The following KDM4C variants were observed in gnomAD, a reference collection of about 807,000 sequenced individuals.
KDM4C encodes lysine demethylase 4C.
Under a neutral mutation model 129.3 loss-of-function variants are expected in KDM4C, and 81 were observed. The ratio of observed to expected loss-of-function variants is 0.63; its 90% confidence interval spans 0.52 to 0.75. The LOEUF (loss-of-function observed/expected upper bound fraction) is 0.75. KDM4C is among the 30% of genes least tolerant of loss of function. The pLI is 0.00. For missense variants in KDM4C, 1,457 were observed against 1,304.0 expected (o/e 1.12, Z -1.81); for synonymous variants, 573 against 456.1 (o/e 1.26, Z -3.26).
intron 12 of KDM4C, among the ~76,000 whole-genome samples, chr9:7,011,144 C>T (rs1435901302): frequency 6.6e-6 from 1 of 152,086 alleles, no homozygotes; most frequent in Admixed American, 6.6e-5. Context: ...TCTTTTATAT[C>T]CATGTAATGC....
chr9:6,721,060 TA>T, intron 1 of KDM4C: 2 of 1,375,546 alleles, frequency 1.5e-6, no homozygotes, highest in Non-Finnish European at 2.0e-6. Context: ...CTGTCACACT[TA>T]AAGCAATGTT....
chr9:6,788,788 G>A (rs572191600), intron 1 of KDM4C, among the ~76,000 whole-genome samples: 3 of 152,194 alleles, frequency 2.0e-5, no homozygotes, highest in South Asian at 2.1e-4. Context: ...GAACGCAGAG[G>A]GGGAGTTGGG....
intron 1 of KDM4C, among the ~76,000 whole-genome samples, chr9:6,740,428 C>A (rs921017781): frequency 2.0e-5 from 3 of 152,124 alleles, no homozygotes; most frequent in Admixed American, 2.0e-4. Flanking sequence ...TGGTCTTGAT[C>A]TCCTGACCTT....
intron 18 of KDM4C, among the ~76,000 whole-genome samples, chr9:7,110,326 C>G (rs1231390625): frequency 6.6e-6 from 1 of 152,138 alleles, no homozygotes; most frequent in Non-Finnish European, 1.5e-5. Context: ...AGGACTAGAG[C>G]CACTTTAGTG....
At chr9:6,822,013 G>C (rs1373290801) in intron 4 of KDM4C, among the ~76,000 whole-genome samples, 1 of 152,154 alleles carries the variant, frequency 6.6e-6, no homozygotes, top group African/African-American at 2.4e-5. Flanking sequence ...ACCATGGACA[G>C]TAACCTATGG....
intron 8 of KDM4C, among the ~76,000 whole-genome samples, chr9:6,921,130 C>T (rs181588345): frequency 8.5e-5 from 13 of 152,152 alleles, no homozygotes; most frequent in Admixed American, 5.9e-4. Flanking sequence ...TTGATACCTT[C>T]GAGAGCTTTA....
intron 19 of KDM4C, among the ~76,000 whole-genome samples, chr9:7,164,529 A>G (rs1844161835): frequency 6.6e-6 from 1 of 152,186 alleles, no homozygotes; most frequent in South Asian, 2.1e-4. Flanking sequence ...TGCTGGCAGA[A>G]GCACATTTAT....
intron 18 of KDM4C, among the ~76,000 whole-genome samples, chr9:7,114,676 A>G (rs1393737256): frequency 2.0e-5 from 3 of 152,224 alleles, no homozygotes; most frequent in Non-Finnish European, 4.4e-5. Context: ...AAGCAGACCC[A>G]TCAGAATGCT....
chr9:7,024,252 A>G (rs1230004076), intron 15 of KDM4C, among the ~76,000 whole-genome samples: 1 of 124,612 alleles, frequency 8.0e-6, no homozygotes, highest in Non-Finnish European at 1.7e-5. Flanking sequence ...CTGTTATTGT[A>G]TTGGAGTCTA....
chr9:7,150,529 T>A (rs1842635899), intron 19 of KDM4C, among the ~76,000 whole-genome samples: 1 of 152,122 alleles, frequency 6.6e-6, no homozygotes. Flanking sequence ...CCGAGAGGGC[T>A]GGGTCTTTTT....
At chr9:6,778,147 T>C (rs1267145860) in intron 1 of KDM4C, among the ~76,000 whole-genome samples, 2 of 151,190 alleles carry the variant, frequency 1.3e-5, no homozygotes, top group African/African-American at 4.9e-5. Context: ...TGGAGTGCAG[T>C]GGCATGATCT....
At chr9:6,951,027 A>G (rs1828050742) in intron 8 of KDM4C, among the ~76,000 whole-genome samples, 1 of 152,040 alleles carries the variant, frequency 6.6e-6, no homozygotes, top group African/African-American at 2.4e-5. Flanking sequence ...ACATTTTTAA[A>G]TTTTATTTTA....
At chr9:7,004,007 C>T (rs1207058624) in intron 12 of KDM4C, among the ~76,000 whole-genome samples, 1 of 152,148 alleles carries the variant, frequency 6.6e-6, no homozygotes, top group Non-Finnish European at 1.5e-5. Flanking sequence ...ACAGATGCTG[C>T]TGTGCTTTTC....
At chr9:7,061,788 C>A (rs1435650104) in intron 17 of KDM4C, among the ~76,000 whole-genome samples, 1 of 152,072 alleles carries the variant, frequency 6.6e-6, no homozygotes, top group South Asian at 2.1e-4. Context: ...AGGTTTTTTT[C>A]TTATTTTGTG....
At chr9:6,927,125 A>G (rs1563826832) in intron 8 of KDM4C, among the ~76,000 whole-genome samples, 1 of 151,050 alleles carries the variant, frequency 6.6e-6, no homozygotes, top group Admixed American at 6.6e-5. Context: ...CTATCTATCT[A>G]TCTATCTATC....
rs376112810 is a variant in KDM4C, at chr9:6,859,333, G to A, written c.629+9633G>A. On this transcript the variant is annotated intron_variant, in intron 5 of 21. Transcript: ENST00000381309. ...TCTGCTAAAACACAAAAATTAGTTC[G>A]ACGTAGTGGCCCACGCCTGTAGTCC... Among the ~76,000 whole-genome samples, 15 of 151,902 alleles carry A rather than the reference G, an allele frequency of 9.9e-5. No individual in the cohort carries two copies. In the East Asian group the frequency reaches 1.4e-3, roughly 14 times the overall value.
intron 17 of KDM4C, among the ~76,000 whole-genome samples, chr9:7,091,735 C>A (rs924629580): frequency 6.6e-6 from 1 of 152,152 alleles, no homozygotes; most frequent in African/African-American, 2.4e-5. Flanking sequence ...ATCACACTTG[C>A]CATGAAAATG....
chr9:6,858,775 C>T (rs1366948201), intron 5 of KDM4C, among the ~76,000 whole-genome samples: 1 of 150,016 alleles, frequency 6.7e-6, no homozygotes, highest in Non-Finnish European at 1.5e-5. Context: ...GTCTCCCCCC[C>T]CGGCAAAAAA....
intron 8 of KDM4C, among the ~76,000 whole-genome samples, chr9:6,922,008 C>G (rs1179695229): frequency 1.3e-5 from 2 of 152,232 alleles, no homozygotes; most frequent in Admixed American, 6.5e-5. Flanking sequence ...TTGGAACCCT[C>G]TTCACAATCC....
Sources: gnomAD v4.1 joint callset for allele counts (sites outside exome capture counted in the v4.1 genomes callset) on GRCh38, gnomAD v4.1.1 for gene constraint, MANE v1.5 for transcripts, NCBI Gene and HGNC (gene_info 2026-07-23, HGNC 2026-07-21) for gene names.